KCNH8: variants seen among roughly 807,000 people sequenced by gnomAD.
The protein encoded by KCNH8 is voltage-gated delayed rectifier potassium channel KCNH8.
In KCNH8, 70 loss-of-function variants were observed where a neutral mutation model predicts 103.6. The observed-to-expected ratio is 0.68, with a 90% CI of 0.56 to 0.82. The LOEUF (loss-of-function observed/expected upper bound fraction) is 0.82. KCNH8 is among the 40% of genes least tolerant of loss of function. The pLI is 0.00. For missense variants in KCNH8, 1,217 were observed against 1,329.9 expected, an observed-to-expected ratio of 0.92 and a Z score of 1.32; for synonymous variants, 498 against 489.4, an observed-to-expected ratio of 1.02 and a Z score of -0.23.
intron 1 of KCNH8, among the ~76,000 whole-genome samples, chr3:19,160,990 TG>T (rs2063228601): frequency 6.6e-6 from 1 of 152,046 alleles, no homozygotes; most frequent in South Asian, 2.1e-4. Context: ...AAAGTGAAAG[TG>T]CTTCCTTTAA....
At chr3:19,474,490 A>G (rs2067929797) in intron 11 of KCNH8, among the ~76,000 whole-genome samples, 1 of 152,204 alleles carries the variant, frequency 6.6e-6, no homozygotes, top group Admixed American at 6.5e-5. Flanking sequence ...AGCAAGCTAA[A>G]TTTCAAATTA....
intron 1 of KCNH8, among the ~76,000 whole-genome samples, chr3:19,212,695 A>G (rs976423706): frequency 1.3e-5 from 2 of 152,314 alleles, no homozygotes; most frequent in African/African-American, 4.8e-5. Context: ...GGAAGTGGGA[A>G]CAGGAGCTCT....
chr3:19,502,666 A>G (rs1358105397), intron 11 of KCNH8, among the ~76,000 whole-genome samples: 1 of 152,060 alleles, frequency 6.6e-6, no homozygotes, highest in Non-Finnish European at 1.5e-5. Context: ...CAGAAAAACA[A>G]GCAATGGGGA....
At chr3:19,530,693 C>T (rs2069145243) in intron 15 of KCNH8, among the ~76,000 whole-genome samples, 1 of 152,180 alleles carries the variant, frequency 6.6e-6, no homozygotes, top group African/African-American at 2.4e-5. Context: ...CAGCTTTTTA[C>T]TCATGAGGCT....
chr3:19,247,073 CA>C (rs1330337848), intron 1 of KCNH8, among the ~76,000 whole-genome samples: 2 of 152,128 alleles, frequency 1.3e-5, no homozygotes, highest in East Asian at 1.9e-4. Flanking sequence ...ATAATCTATA[CA>C]GTATTTAAAA....
rs1462895322 is a variant in KCNH8, at chr3:19,513,191, C to T, written c.2301C>T (p.Ile767=). 6.2e-7 allele frequency: 1 copy of T among 1,613,952 alleles called. No homozygotes were observed. The highest frequency in any genetic ancestry group is 8.5e-7 in the Non-Finnish European group (1 of 1,179,950). The change falls in exon 13 of 16, where the codon ATC becomes ATT. Residue 767 remains isoleucine (I), a synonymous_variant. Transcript: ENST00000328405. ...ASGTVPFHSP[I]RVSRSNSPKT... ...GAACGGTGCCCTTTCACTCGCCTAT[C>T]AGAGTCTCCAGGTCAAATTCCCCCA...
Position 19,320,947 on chromosome 3 carries a change from AG to A in KCNH8, c.443-21638del, listed in dbSNP as rs202213936. Among the ~76,000 whole-genome samples, 968 of 151,934 alleles carry A rather than the reference AG, an allele frequency of 6.4e-3. 6 individuals are homozygous for A. The highest frequency in any genetic ancestry group is 0.022 in the African/African-American group (898 of 41,456). ...TTCCAGGAATTTATTCATCTCCTCC[AG>A]GTTTTCTAGTTTATGCACGTAAAAA... On this transcript the variant is annotated intron_variant, in intron 3 of 15. Transcript: ENST00000328405.
chr3:19,239,259 A>G (rs906833290), intron 1 of KCNH8, among the ~76,000 whole-genome samples: 2 of 152,072 alleles, frequency 1.3e-5, no homozygotes, highest in Non-Finnish European at 1.5e-5. Context: ...TCCTTTAGTT[A>G]TGCCATATCC....
intron 11 of KCNH8, among the ~76,000 whole-genome samples, chr3:19,496,052 C>T (rs1366740219): frequency 6.6e-6 from 1 of 152,062 alleles, no homozygotes; most frequent in Non-Finnish European, 1.5e-5. Context: ...TGATTTTGTA[C>T]CTGAAACTTT....
intron 13 of KCNH8, among the ~76,000 whole-genome samples, chr3:19,514,033 C>A (rs1004984452): frequency 1.3e-5 from 2 of 151,300 alleles, no homozygotes; most frequent in South Asian, 2.1e-4. Context: ...ATGTATTTTG[C>A]GAGATAATTT....
chr3:19,175,376 T>C lies in KCNH8; in HGVS notation c.76+26581T>C, dbSNP rs557880215. Among the ~76,000 whole-genome samples the C allele has an allele frequency of 7.6e-4, 116 of 151,982 alleles. 1 individual carries two copies. Among genetic ancestry groups the C allele is most frequent in the Admixed American group, 2.2e-3 (34 of 15,254 alleles). On this transcript the variant is annotated intron_variant, in intron 1 of 15. Coordinates refer to ENST00000328405, the MANE Select transcript of KCNH8 (RefSeq NM_144633.3). ...AGCTGGGACTACAGGCGCCCGCCAC[T>C]ACGCCCGGCTAACTTTTTGTATTTT...
chr3:19,497,475 T>C (rs1463617135), intron 11 of KCNH8, among the ~76,000 whole-genome samples: 2 of 152,228 alleles, frequency 1.3e-5, no homozygotes, highest in Non-Finnish European at 2.9e-5. Context: ...AATAACTTTT[T>C]GATTTCTGCC....
rs938959275 is a variant in KCNH8 at position 19,429,656 on chromosome 3, CAG to C, written c.1178-8506_1178-8505del. Reference sequence around the variant, plus strand: ...AACTTGTTTCATGCGAGTTTTTGTACAGATTATTTCATCACCCAGGTATTAAG... The same window carrying C: ...AACTTGTTTCATGCGAGTTTTTGTACATTATTTCATCACCCAGGTATTAAG... On this transcript the variant is annotated intron_variant, in intron 7 of 15. Transcript: ENST00000328405. 2.0e-4 allele frequency among the ~76,000 whole-genome samples: 30 copies of C among 152,138 alleles called. 1 individual carries two copies. The highest frequency in any genetic ancestry group is 6.5e-4 in the African/African-American group (27 of 41,524).
chr3:19,518,171 C>T (rs971864368), intron 15 of KCNH8, 97 bp downstream of exon 15: 3 of 915,468 alleles, frequency 3.3e-6, no homozygotes, highest in Non-Finnish European at 5.1e-6. Context: ...TACAAGCATG[C>T]ATTCCAGAAT....
rs187578923 is a variant in KCNH8 at position 19,192,438 on chromosome 3, C to T, written c.76+43643C>T. Among the ~76,000 whole-genome samples, 440 of 151,752 alleles carry T rather than the reference C, an allele frequency of 2.9e-3. 4 individuals carry two copies. Among genetic ancestry groups the T allele is most frequent in the African/African-American group, 9.9e-3 (411 of 41,504 alleles). Reference sequence around the variant, plus strand: ...CATCCAATATTTCTCCAAGGAATGGCTTTATCTTGGGATTGTTTAAGGCCT... The same window carrying T: ...CATCCAATATTTCTCCAAGGAATGGTTTTATCTTGGGATTGTTTAAGGCCT... On this transcript the variant is annotated intron_variant, in intron 1 of 15. Transcript: ENST00000328405.
chr3:19,418,020 A>G (rs143687863), intron 7 of KCNH8, among the ~76,000 whole-genome samples: 1,728 of 152,324 alleles, frequency 0.011, 21 homozygotes, highest in Non-Finnish European at 0.018. Context: ...AGTTTGATGT[A>G]TGTTTGCACA....
chr3:19,227,757 ATGT>A (rs1483434540), intron 1 of KCNH8, among the ~76,000 whole-genome samples: 6 of 152,188 alleles, frequency 3.9e-5, no homozygotes, highest in Non-Finnish European at 7.3e-5. Flanking sequence ...AGTATAGATA[ATGT>A]TGTAGGCCCA....
chr3:19,279,733 G>T (rs981901718), intron 2 of KCNH8, among the ~76,000 whole-genome samples: 1 of 152,008 alleles, frequency 6.6e-6, no homozygotes, highest in Admixed American at 6.6e-5. Flanking sequence ...GATAAAATAA[G>T]ACTTTTATAT....
intron 4 of KCNH8, among the ~76,000 whole-genome samples, chr3:19,343,210 C>A (rs2065685037): frequency 6.6e-6 from 1 of 151,960 alleles, no homozygotes; most frequent in Non-Finnish European, 1.5e-5. Flanking sequence ...GAAAATTTCA[C>A]AGTAAAACAC....
Sources: gnomAD v4.1 joint callset for allele counts (sites outside exome capture counted in the v4.1 genomes callset) on GRCh38, gnomAD v4.1.1 for gene constraint, MANE v1.5 for transcripts, NCBI Gene and HGNC (gene_info 2026-07-23, HGNC 2026-07-21) for gene names.